ARMH1: variants seen among roughly 807,000 people sequenced by gnomAD.
The protein encoded by ARMH1 is armadillo-like helical domain containing protein 1.
A neutral mutation model predicts 50.2 loss-of-function variants in ARMH1; 34 were observed. The ratio of observed to expected loss-of-function variants is 0.68; its 90% CI spans 0.51 to 0.90. ARMH1 has a LOEUF of 0.90. Ranked by LOEUF, ARMH1 falls within the 40% of genes least tolerant of loss-of-function variation. The pLI, the probability that ARMH1 is intolerant of heterozygous loss-of-function variation, is 0.00. For synonymous variants in ARMH1, 221 were observed against 224.2 expected, an observed-to-expected ratio of 0.99 and a Z score of 0.13; for missense variants, 538 against 553.9, an observed-to-expected ratio of 0.97 and a Z score of 0.29.
chr1:44,720,215 A>AG, intron 6 of ARMH1, among the ~76,000 whole-genome samples: 1 of 151,248 alleles, frequency 6.6e-6, no homozygotes, highest in South Asian at 2.1e-4. Flanking sequence ...AAAAAAAAAA[A>AG]AAAAAGTTGG....
Position 44,724,865 on chromosome 1 carries a change from G to A in ARMH1, c.1128+26G>A. On this transcript the variant is annotated intron_variant, in intron 10 of 11. Coordinates refer to ENST00000535358, the MANE Select transcript of ARMH1 (RefSeq NM_001145636.2). The surrounding 1 kb of genome is among the most constrained non-coding windows in gnomAD (Gnocchi z 6.4). ...GTAAGTGCGCCCTTCCTGCCCCGCC[G>A]CAATGAGCAGATGGCGGCTCGGACA... 6.5e-7 allele frequency: 1 copy of A among 1,534,858 alleles called. No homozygotes were observed.
chr1:44,721,267 T>C (rs1277904095), intron 6 of ARMH1, among the ~76,000 whole-genome samples: 3 of 151,690 alleles, frequency 2.0e-5, no homozygotes, highest in African/African-American at 7.3e-5. Flanking sequence ...ACAAAGGTAG[T>C]CCAGAATTGT....
chr1:44,675,863 G>A (rs1024119297), intron 1 of ARMH1, among the ~76,000 whole-genome samples: 2 of 151,858 alleles, frequency 1.3e-5, no homozygotes, highest in Non-Finnish European at 2.9e-5. Flanking sequence ...GGGAGGCTGA[G>A]GCAGGAGAAT....
rs1029937655 is a variant in ARMH1, at chr1:44,725,269, C to T, written c.1211-22C>T. The T allele has an allele frequency of 3.2e-6, 5 of 1,551,684 alleles. No homozygotes were observed. In the African/African-American group the frequency reaches 4.1e-5, roughly 13 times the overall value. ...CGCAGGCGCCGCCAGCACAGCCTCA[C>T]GCCCGCCTTTCCTGCCTGCAGCCCT... On this transcript the variant is annotated intron_variant, in intron 11 of 11. Transcript: ENST00000535358.
intron 6 of ARMH1, among the ~76,000 whole-genome samples, chr1:44,713,236 C>T (rs983397397): frequency 8.6e-5 from 13 of 151,638 alleles, no homozygotes; most frequent in African/African-American, 1.2e-4. Flanking sequence ...GTAGCTGGGA[C>T]CACAAGCATG....
At position 44,724,536 on chromosome 1, in the gene ARMH1, C is replaced by T. The variant is rs1217285760; in HGVS notation, c.921-3C>T. The T allele has an allele frequency of 6.6e-6, 10 of 1,507,264 alleles. No homozygotes were observed. The highest frequency in any genetic ancestry group is 8.0e-6 in the Non-Finnish European group (9 of 1,131,368). The allele number at this position is 1,507,264 out of a possible 1,614,324, so 93.4% of individuals were successfully genotyped here. A position where few individuals can be genotyped will look rare whatever the true frequency, so the allele number is the denominator to read the frequency against. On this transcript the variant is annotated splice_region_variant and splice_polypyrimidine_tract_variant and intron_variant, in intron 8 of 11. Transcript: ENST00000535358. This position sits in a 1 kb window ranked among gnomAD's most constrained non-coding sequence, Gnocchi z 6.4. ...GTCGCCCCAGCCCGAACCCCCGGCCCAGGGTCCTGGCGCGCAACGACATGA... is the reference window on the plus strand; with the variant it reads ...GTCGCCCCAGCCCGAACCCCCGGCCTAGGGTCCTGGCGCGCAACGACATGA...
At chr1:44,710,085 A>G (rs1226194645) in intron 6 of ARMH1, among the ~76,000 whole-genome samples, 3 of 152,126 alleles carry the variant, frequency 2.0e-5, no homozygotes, top group Non-Finnish European at 2.9e-5. Flanking sequence ...GAACTCTCGC[A>G]CTAACACAGT....
chr1:44,716,925 A>G (rs1260364719), intron 6 of ARMH1, among the ~76,000 whole-genome samples: 1 of 147,092 alleles, frequency 6.8e-6, no homozygotes, highest in Non-Finnish European at 1.5e-5. Flanking sequence ...ATCTCGGCTC[A>G]TTGCAACCTC....
intron 6 of ARMH1, among the ~76,000 whole-genome samples, chr1:44,722,523 G>C (rs960455856): frequency 6.6e-5 from 10 of 151,120 alleles, no homozygotes; most frequent in African/African-American, 2.4e-4. Context: ...AGCACTTTGG[G>C]AGGCCTGAGG....
intron 1 of ARMH1, among the ~76,000 whole-genome samples, chr1:44,686,118 C>T (rs968501837): frequency 6.6e-6 from 1 of 152,136 alleles, no homozygotes; most frequent in Non-Finnish European, 1.5e-5. Flanking sequence ...GCATACTGGC[C>T]TTAGTGAGCA....
At position 44,724,944 on chromosome 1, in the gene ARMH1, G is replaced by A; in HGVS notation, c.1128+105G>A. On this transcript the variant is annotated intron_variant, in intron 10 of 11. Coordinates refer to ENST00000535358, the MANE Select transcript of ARMH1 (RefSeq NM_001145636.2). This position sits in a 1 kb window ranked among gnomAD's most constrained non-coding sequence, Gnocchi z 6.4. ...CCTGGAGCGCGCCACATGCAGAGTG[G>A]ACCTGGCCACCAGCTGCAGGAGGGA... 1 of 1,499,116 alleles carries A rather than the reference G, an allele frequency of 6.7e-7. No individual in the cohort carries two copies. The highest frequency in any genetic ancestry group is 8.9e-7 in the Non-Finnish European group (1 of 1,122,484). The allele number at this position is 1,499,116 out of a possible 1,614,324, so 92.9% of individuals were successfully genotyped here.
chr1:44,697,310 A>G (rs1645860410), intron 3 of ARMH1, 140 bp downstream of exon 3: 1 of 673,852 alleles, frequency 1.5e-6, no homozygotes, highest in Non-Finnish European at 2.6e-6. Context: ...CCCAGAGGTA[A>G]TGTCCACCGG....
intron 1 of ARMH1, among the ~76,000 whole-genome samples, chr1:44,677,301 T>C (rs1019834244): frequency 1.3e-5 from 2 of 152,218 alleles, no homozygotes; most frequent in Non-Finnish European, 2.9e-5. Context: ...TTGTGTAATA[T>C]GCATTTTTCC....
Position 44,725,168 on chromosome 1 carries a change from C to T in ARMH1, c.1161C>T (p.Asp387=). Residue 387 remains aspartate, a synonymous_variant, in exon 11 of 12, where the codon GAC becomes GAT. Coordinates refer to ENST00000535358, the MANE Select transcript of ARMH1 (RefSeq NM_001145636.2). The part of the protein sequence containing the change: ...SNAEDLYMKI[D]SIQADILAAN... ...CTGAGGACTTGTACATGAAAATAGACAGCATTCAGGCGGACATCTTGGCGG... is the reference window on the plus strand; with the variant it reads ...CTGAGGACTTGTACATGAAAATAGATAGCATTCAGGCGGACATCTTGGCGG... 1.3e-6 allele frequency: 2 copies of T among 1,552,052 alleles called. No homozygotes were observed. The highest frequency in any genetic ancestry group is 1.7e-6 in the Non-Finnish European group (2 of 1,147,050).
chr1:44,695,777 C>CA (rs1286242035), intron 2 of ARMH1, among the ~76,000 whole-genome samples: 4 of 151,620 alleles, frequency 2.6e-5, no homozygotes, highest in Non-Finnish European at 2.9e-5. Flanking sequence ...CCTGTCTCTA[C>CA]AAAAAATACA....
rs753854228 is a variant in ARMH1 at position 44,689,903 on chromosome 1, C to T, written c.206C>T (p.Thr69Ile). 88 of 1,549,432 alleles carry T rather than the reference C, an allele frequency of 5.7e-5. No individual in the cohort carries two copies. Among genetic ancestry groups the T allele is most frequent in the South Asian group, 1.2e-5 (1 of 83,972 alleles). Reference protein sequence around the residue: ...LVRLTTSLRITYMTDSCLEKL... With the variant: ...LVRLTTSLRIIYMTDSCLEKL... ...CGCTTGACCACCTCGCTTAGAATCA[C>T]GTATCCTTTACTGAACAGAAAAAAA... Residue 69 changes from threonine to isoleucine, a missense_variant and splice_region_variant, in exon 2 of 12, where the codon ACC (threonine) becomes ATC (isoleucine). Thr to Ile is a moderately conservative substitution (Grantham distance 89, BLOSUM62 -1). Coordinates refer to ENST00000535358, the MANE Select transcript of ARMH1 (RefSeq NM_001145636.2).
At chr1:44,703,907 T>C (rs529691386) in intron 5 of ARMH1, among the ~76,000 whole-genome samples, 182 bp from the exon 6 acceptor site, 5 of 151,522 alleles carry the variant, frequency 3.3e-5, no homozygotes, top group African/African-American at 1.2e-4. Context: ...TTTGCATTTT[T>C]AGTAGAGACA....
At chr1:44,723,259 A>G (rs937242345) in intron 6 of ARMH1, among the ~76,000 whole-genome samples, 5 of 152,064 alleles carry the variant, frequency 3.3e-5, no homozygotes, top group Admixed American at 6.6e-5. Context: ...TCACCATATC[A>G]TCGCTGCCTG....
chr1:44,691,628 G>A (rs976693970), intron 2 of ARMH1, among the ~76,000 whole-genome samples: 1 of 152,142 alleles, frequency 6.6e-6, no homozygotes, highest in African/African-American at 2.4e-5. Flanking sequence ...TTCTCCCTGA[G>A]GGACTAGTTC....
Sources: gnomAD v4.1 joint callset for allele counts (sites outside exome capture counted in the v4.1 genomes callset) on GRCh38, gnomAD v4.1.1 for gene constraint, Gnocchi (gnomAD v3.1) non-coding constraint, MANE v1.5 for transcripts, NCBI Gene and HGNC (gene_info 2026-07-23, HGNC 2026-07-21) for gene names.